DGCR2: variants seen among roughly 807,000 people sequenced by gnomAD.
DGCR2 encodes the protein DiGeorge syndrome critical region gene 2, also known as integral membrane protein DGCR2/IDD.
Under a neutral mutation model 51.6 loss-of-function variants are expected in DGCR2, and 24 were observed. The observed-to-expected ratio is 0.47, with a 90% confidence interval of 0.34 to 0.65. The LOEUF (loss-of-function observed/expected upper bound fraction) is 0.65, where lower values mean the gene tolerates loss of function less well. Ranked by LOEUF, DGCR2 falls within the 30% of genes least tolerant of loss-of-function variation. The probability of loss-of-function intolerance (pLI) is 0.01; values close to 1 mark genes in which losing one functional copy is unlikely to be tolerated. For missense variants in DGCR2, 765 were observed against 772.1 expected, an observed-to-expected ratio of 0.99 and a Z score of 0.11; for synonymous variants, 340 against 315.4, an observed-to-expected ratio of 1.08 and a Z score of -0.82.
chr22:19,082,161 A>G (rs1044286912), intron 2 of DGCR2, among the ~76,000 whole-genome samples: 2 of 141,226 alleles, frequency 1.4e-5, no homozygotes, highest in Non-Finnish European at 3.0e-5. Flanking sequence ...GATTCTTCCC[A>G]CCTTAGCCTA....
chr22:19,079,272 T>G (rs2082911456), intron 2 of DGCR2, among the ~76,000 whole-genome samples: 2 of 152,136 alleles, frequency 1.3e-5, no homozygotes, highest in Admixed American at 1.3e-4. Flanking sequence ...GTTCAACTGG[T>G]AAGTATAATG....
At chr22:19,050,192 G>A (rs2082534377) in intron 6 of DGCR2, among the ~76,000 whole-genome samples, 1 of 152,228 alleles carries the variant, frequency 6.6e-6, no homozygotes, top group Non-Finnish European at 1.5e-5. Context: ...GAGTGAAAAT[G>A]CTGAAAGTGA....
intron 1 of DGCR2, among the ~76,000 whole-genome samples, chr22:19,103,406 A>T (rs142678594): frequency 0.034 from 5,024 of 147,876 alleles, 273 homozygotes; most frequent in African/African-American, 0.12. Flanking sequence ...TTACCACAAT[A>T]AAAAAAGTTC....
intron 2 of DGCR2, among the ~76,000 whole-genome samples, chr22:19,082,358 C>A (rs1286756700): frequency 6.6e-6 from 1 of 150,708 alleles, no homozygotes; most frequent in Non-Finnish European, 1.5e-5. Context: ...AAGCACCTGG[C>A]CTATTGGTGT....
intron 3 of DGCR2, among the ~76,000 whole-genome samples, chr22:19,066,941 C>T (rs1008339309): frequency 1.3e-5 from 2 of 152,236 alleles, no homozygotes; most frequent in African/African-American, 2.4e-5. Flanking sequence ...CACACCAAGC[C>T]TGTGCACCAC....
chr22:19,105,627 A>G (rs2083253609), intron 1 of DGCR2, among the ~76,000 whole-genome samples: 1 of 152,148 alleles, frequency 6.6e-6, no homozygotes, highest in Non-Finnish European at 1.5e-5. Flanking sequence ...GGGACCAGAT[A>G]GCTTCATGGG....
chr22:19,104,812 T>G (rs1291763216), intron 1 of DGCR2, among the ~76,000 whole-genome samples: 1 of 152,226 alleles, frequency 6.6e-6, no homozygotes, highest in Non-Finnish European at 1.5e-5. Context: ...CAGTGGGGCT[T>G]TCCCACAGGT....
At chr22:19,083,803 C>T (rs2082971818) in intron 2 of DGCR2, among the ~76,000 whole-genome samples, 1 of 150,198 alleles carries the variant, frequency 6.7e-6, no homozygotes, top group Non-Finnish European at 1.5e-5. Flanking sequence ...CATCTCGGCT[C>T]ACTGCAACCT....
chr22:19,110,595 T>C (rs2146049131), intron 1 of DGCR2, among the ~76,000 whole-genome samples: 1 of 151,756 alleles, frequency 6.6e-6, no homozygotes, highest in Middle Eastern at 3.4e-3. Flanking sequence ...CTGCATGTTC[T>C]GCACATGCAT....
At chr22:19,102,226 T>C (rs1480818465) in intron 1 of DGCR2, among the ~76,000 whole-genome samples, 1 of 152,126 alleles carries the variant, frequency 6.6e-6, no homozygotes, top group East Asian at 1.9e-4. Flanking sequence ...GTAGTCAATT[T>C]AATAAGGATG....
intron 1 of DGCR2, among the ~76,000 whole-genome samples, chr22:19,097,063 T>G (rs1375948401): frequency 6.6e-6 from 1 of 151,998 alleles, no homozygotes; most frequent in Non-Finnish European, 1.5e-5. Context: ...GTAACAACAC[T>G]GGGGGTTTTC....
intron 1 of DGCR2, among the ~76,000 whole-genome samples, chr22:19,115,668 C>T (rs1330294675): frequency 6.6e-6 from 1 of 152,220 alleles, no homozygotes; most frequent in African/African-American, 2.4e-5. Context: ...GCCCAGGTGA[C>T]AGAGCATGAA....
intron 1 of DGCR2, among the ~76,000 whole-genome samples, chr22:19,118,319 T>C (rs1469976764): frequency 1.5e-5 from 2 of 137,316 alleles, no homozygotes; most frequent in Non-Finnish European, 3.0e-5. Flanking sequence ...TACAGTGAGC[T>C]GAGATCCCGC....
intron 3 of DGCR2, chr22:19,065,835 G>C (rs543271742): frequency 2.0e-5 from 3 of 152,360 alleles, no homozygotes; most frequent in Admixed American, 6.5e-5. Flanking sequence ...CACTGGAGAA[G>C]AGTGACAATT....
At chr22:19,062,597 A>ACTGCAGAG (rs1569052131) in intron 5 of DGCR2, among the ~76,000 whole-genome samples, 4 of 151,834 alleles carry the variant, frequency 2.6e-5, no homozygotes, top group Non-Finnish European at 4.4e-5. Flanking sequence ...CAGCTGGAGA[A>ACTGCAGAG]GGCACTGCTG....
Position 19,063,342 on chromosome 22 carries a change from G to GTGTGTTT in DGCR2, c.549-71_549-65dup. 4 of 1,513,946 alleles carry GTGTGTTT rather than the reference G, an allele frequency of 2.6e-6. No homozygotes were observed. The South Asian group carries it at 3.4e-5, about 13-fold the overall frequency. The allele number at this position is 1,513,946 out of a possible 1,614,324, so 93.8% of individuals were successfully genotyped here. On this transcript the variant is annotated intron_variant, in intron 4 of 9. Transcript: ENST00000263196. ...AGGAGGGATGCAACCATCAATGACT[G>GTGTGTTT]TGTGTTTTTTGTTTTTTGAGACAGA...
chr22:19,111,150 A>G (rs899896529), intron 1 of DGCR2, among the ~76,000 whole-genome samples: 17 of 152,344 alleles, frequency 1.1e-4, no homozygotes, highest in Middle Eastern at 6.8e-3. Context: ...AAGCCTCCCA[A>G]GCTTCTGGAA....
intron 2 of DGCR2, among the ~76,000 whole-genome samples, chr22:19,068,773 G>A (rs2082780237): frequency 6.6e-6 from 1 of 152,272 alleles, no homozygotes; most frequent in African/African-American, 2.4e-5. Flanking sequence ...GTTCCTGTCT[G>A]GCTCTTTGGT....
At chr22:19,110,590 T>A (rs149860201) in intron 1 of DGCR2, among the ~76,000 whole-genome samples, 1,594 of 151,848 alleles carry the variant, frequency 0.01, 30 homozygotes, top group African/African-American at 0.036. Flanking sequence ...CAAACCTGCA[T>A]GTTCTGCACA....
Sources: gnomAD v4.1 joint callset for allele counts (sites outside exome capture counted in the v4.1 genomes callset) on GRCh38, gnomAD v4.1.1 for gene constraint, MANE v1.5 for transcripts, NCBI Gene and HGNC (gene_info 2026-07-23, HGNC 2026-07-21) for gene names.